PLA2G2C: variants seen among roughly 807,000 people sequenced by gnomAD.
PLA2G2C encodes the protein putative inactive group IIC secretory phospholipase A2.
A neutral mutation model predicts 14.3 loss-of-function variants in PLA2G2C; 15 were observed. That is an observed-to-expected ratio of 1.05 (90% CI 0.70 to 1.62). The LOEUF (loss-of-function observed/expected upper bound fraction) is 1.62. PLA2G2C is among the 40% of genes most tolerant of loss of function. The pLI is 0.00. For missense variants in PLA2G2C, 162 were observed against 173.2 expected, an observed-to-expected ratio of 0.94 and a Z score of 0.36; for synonymous variants, 79 against 67.7, an observed-to-expected ratio of 1.17 and a Z score of -0.82.
intron 1 of PLA2G2C, chr1:20,184,620 T>C (rs1304703843): frequency 1.3e-5 from 2 of 152,202 alleles, no homozygotes; most frequent in African/African-American, 4.8e-5. Context: ...GGAGGAGCAA[T>C]TCACCTTGGA....
intron 2 of PLA2G2C, 164 bp from the exon 3 acceptor site, chr1:20,175,309 G>T (rs374244018): frequency 2.0e-6 from 2 of 1,001,060 alleles, no homozygotes; most frequent in Non-Finnish European, 2.9e-6. Context: ...CTTTCCTGGG[G>T]AATAAAATAG....
chr1:20,183,341 C>T (rs1247420510), intron 1 of PLA2G2C, among the ~76,000 whole-genome samples: 1 of 152,162 alleles, frequency 6.6e-6, no homozygotes, highest in Admixed American at 6.5e-5. Flanking sequence ...GCAGTCCCCA[C>T]GACCAGTGCA....
chr1:20,175,133 C>A lies in PLA2G2C; in HGVS notation c.53G>T (p.Ser18Ile). 6.2e-7 allele frequency: 1 copy of A among 1,613,872 alleles called. No homozygotes were observed. The highest frequency in any genetic ancestry group is 8.5e-7 in the Non-Finnish European group (1 of 1,179,878). The change falls in exon 3 of 5, where the codon AGC becomes ATC. Residue 18 changes from serine (S) to isoleucine (I), a missense_variant. Coordinates refer to ENST00000679259, the MANE Select transcript of PLA2G2C (RefSeq NM_001367969.2). ...CCTCCTCTGAAACTGCCAGAAACTG[C>A]TGTGGGTGGGGGCTGCCACCACCGA... ...TLLLFCSPTH[S>I]SFWQFQRRVK...
intron 3 of PLA2G2C, among the ~76,000 whole-genome samples, chr1:20,174,306 G>T (rs958425035): frequency 6.6e-6 from 1 of 152,096 alleles, no homozygotes; most frequent in Non-Finnish European, 1.5e-5. Context: ...GAATTGACAC[G>T]CAAACTGTCC....
intron 1 of PLA2G2C, among the ~76,000 whole-genome samples, chr1:20,177,822 C>T (rs2100722760): frequency 6.6e-6 from 1 of 152,302 alleles, no homozygotes; most frequent in Admixed American, 6.5e-5. Context: ...TCCCACAGTG[C>T]CTTCCTTCCT....
chr1:20,171,830 C>T (rs565586208), intron 4 of PLA2G2C, among the ~76,000 whole-genome samples: 106 of 145,760 alleles, frequency 7.3e-4, no homozygotes, highest in African/African-American at 2.6e-3. Flanking sequence ...GGCGCAATCT[C>T]GGCTCACTGC....
intron 1 of PLA2G2C, among the ~76,000 whole-genome samples, chr1:20,182,089 GTGTT>G (rs2018286613): frequency 6.6e-6 from 1 of 152,164 alleles, no homozygotes; most frequent in Non-Finnish European, 1.5e-5. Flanking sequence ...GTGAGTTACA[GTGTT>G]TGATGTGTTC....
intron 1 of PLA2G2C, among the ~76,000 whole-genome samples, chr1:20,180,531 T>G (rs1469977090): frequency 6.6e-6 from 1 of 152,206 alleles, no homozygotes; most frequent in Non-Finnish European, 1.5e-5. Flanking sequence ...AGCTATGAAG[T>G]GGGCCAGGAC....
chr1:20,174,705 G>A (rs1375028137), intron 3 of PLA2G2C, among the ~76,000 whole-genome samples: 1 of 152,190 alleles, frequency 6.6e-6, no homozygotes, highest in Non-Finnish European at 1.5e-5. Flanking sequence ...AGTAAACCAT[G>A]TTTAGGCCCT....
At chr1:20,165,706 G>A (rs186637320) in intron 4 of PLA2G2C, among the ~76,000 whole-genome samples, 33 of 148,858 alleles carry the variant, frequency 2.2e-4, no homozygotes, top group Admixed American at 1.7e-3. Context: ...GTGTGCATGC[G>A]TGTGCCTGTG....
intron 1 of PLA2G2C, among the ~76,000 whole-genome samples, chr1:20,184,992 A>C (rs1312221001): frequency 6.6e-6 from 1 of 152,088 alleles, no homozygotes; most frequent in African/African-American, 2.4e-5. Context: ...CATTCTACAA[A>C]AAATAATAAA....
chr1:20,169,340 G>A (rs143570279), intron 4 of PLA2G2C, among the ~76,000 whole-genome samples: 36 of 152,086 alleles, frequency 2.4e-4, no homozygotes, highest in Admixed American at 1.6e-3. Flanking sequence ...ACCACATCTG[G>A]CTAATTGTTT....
intron 4 of PLA2G2C, among the ~76,000 whole-genome samples, chr1:20,166,385 C>T (rs943083095): frequency 3.3e-5 from 5 of 152,204 alleles, no homozygotes; most frequent in Non-Finnish European, 7.3e-5. Flanking sequence ...GCCACTCCCA[C>T]TGTTCTAGCG....
Position 20,163,930 on chromosome 1 carries a change from G to C in PLA2G2C, c.*61C>G. On this transcript the variant is annotated 3_prime_UTR_variant, in exon 5 of 5. Coordinates refer to ENST00000679259, the MANE Select transcript of PLA2G2C (RefSeq NM_001367969.2). ...GGCCTGTTGGGGATGATCTGAGAAG[G>C]CTTCCTGGAAGAGCAACACTAGAGC... 2 of 1,522,580 alleles carry C rather than the reference G, an allele frequency of 1.3e-6. No individual in the cohort carries two copies. Among genetic ancestry groups the C allele is most frequent in the East Asian group, 4.7e-5 (2 of 42,450 alleles). The allele number at this position is 1,522,580 out of a possible 1,614,324, so 94.3% of individuals were successfully genotyped here. A position where few individuals can be genotyped will look rare whatever the true frequency, so the allele number is the denominator to read the frequency against.
intron 4 of PLA2G2C, among the ~76,000 whole-genome samples, chr1:20,168,245 G>A (rs748329356): frequency 3.9e-5 from 6 of 152,202 alleles, no homozygotes; most frequent in Admixed American, 2.6e-4. Context: ...ATAAAGATAC[G>A]TGCACTGCCT....
rs764461904 is a variant in PLA2G2C at position 20,164,082 on chromosome 1, T to C, written c.359A>G (p.His120Arg). The C allele has an allele frequency of 1.9e-6, 3 of 1,613,842 alleles. No homozygotes were observed. Among genetic ancestry groups the C allele is most frequent in the Admixed American group, 3.3e-5 (2 of 60,002 alleles). Reference protein sequence around the residue: ...KACECDKQSVHCFKESLPTYE... With the variant: ...KACECDKQSVRCFKESLPTYE... Reference sequence around the variant, plus strand: ...GGTGGGCAGGCTCTCTTTGAAGCAGTGCACGGATTGCTTGTCACACTCACA... The same window carrying C: ...GGTGGGCAGGCTCTCTTTGAAGCAGCGCACGGATTGCTTGTCACACTCACA... Residue 120 changes from histidine to arginine, a missense_variant, in exon 5 of 5, where the codon CAC becomes CGC. His to Arg is a conservative substitution (Grantham distance 29). Coordinates refer to ENST00000679259, the MANE Select transcript of PLA2G2C (RefSeq NM_001367969.2).
At chr1:20,173,672 C>G (rs1290577353) in intron 3 of PLA2G2C, among the ~76,000 whole-genome samples, 1 of 152,214 alleles carries the variant, frequency 6.6e-6, no homozygotes, top group Non-Finnish European at 1.5e-5. Flanking sequence ...TGGGAGAGCA[C>G]TGGAGGAGAA....
intron 4 of PLA2G2C, among the ~76,000 whole-genome samples, chr1:20,164,766 C>T (rs779913791): frequency 6.6e-6 from 1 of 152,258 alleles, no homozygotes; most frequent in South Asian, 2.1e-4. Context: ...TCTCAGGAAA[C>T]TAGGAGCCGA....
chr1:20,178,566 G>C (rs2018226811), intron 1 of PLA2G2C, among the ~76,000 whole-genome samples: 1 of 152,172 alleles, frequency 6.6e-6, no homozygotes, highest in Non-Finnish European at 1.5e-5. Flanking sequence ...TTCAATTGCT[G>C]TGCGGGATGT....
Sources: gnomAD v4.1 joint callset for allele counts (sites outside exome capture counted in the v4.1 genomes callset) on GRCh38, gnomAD v4.1.1 for gene constraint, MANE v1.5 for transcripts, NCBI Gene and HGNC (gene_info 2026-07-23, HGNC 2026-07-21) for gene names.